ABCA4: variants seen among roughly 807,000 people sequenced by gnomAD.
ABCA4 encodes the protein retinal-specific phospholipid-transporting ATPase ABCA4.
In ABCA4, 196 loss-of-function variants were observed where a neutral mutation model predicts 263.7. That is an observed-to-expected ratio of 0.74 (90% CI 0.66 to 0.84). The LOEUF (loss-of-function observed/expected upper bound fraction) is 0.84. Ranked by LOEUF, ABCA4 falls within the 40% of genes least tolerant of loss-of-function variation. The probability of loss-of-function intolerance (pLI) is 0.00; values close to 1 mark genes in which losing one functional copy is unlikely to be tolerated. For synonymous variants in ABCA4, 1,133 were observed against 1,094.2 expected, an observed-to-expected ratio of 1.04 and a Z score of -0.70; for missense variants, 2,792 against 2,855.1, an observed-to-expected ratio of 0.98 and a Z score of 0.50.
At chr1:94,070,459 C>T (rs189004296) in intron 11 of ABCA4, among the ~76,000 whole-genome samples, 1 of 152,180 alleles carries the variant, frequency 6.6e-6, no homozygotes, top group South Asian at 2.1e-4. Context: ...CTTCCTCCTG[C>T]CTGAAATTGT....
chr1:94,037,438 T>C, intron 24 of ABCA4, 88 bp from the exon 25 acceptor site: 1 of 1,201,490 alleles, frequency 8.3e-7, no homozygotes, highest in South Asian at 1.2e-5. Context: ...TTCTCTCCAC[T>C]TCCCCTTTGA....
chr1:94,083,264 T>C, intron 7 of ABCA4, 88 bp downstream of exon 7: 1 of 1,199,894 alleles, frequency 8.3e-7, no homozygotes, highest in East Asian at 2.3e-5. Flanking sequence ...TTGAACAGGT[T>C]TGAAATACAA....
In ABCA4 at chr1:94,029,606, G is replaced by A. The variant is rs373181448; in HGVS notation, c.4378C>T (p.Pro1460Ser). 3.7e-6 allele frequency: 6 copies of A among 1,613,914 alleles called. No individual in the cohort carries two copies. Among genetic ancestry groups the A allele is most frequent in the South Asian group, 2.2e-5 (2 of 90,976 alleles). ...GGGGACACAGAAGGAGTCTTCCAGG[G>A]TGTTGAGTTGCCACAGGGGTACTCC... ...LPEYPCGNST[P>S]WKTPSVSPNI... is the part of the protein sequence containing the mutation. The change falls in exon 30 of 50, where the codon CCC becomes TCC. Residue 1460 changes from proline to serine, a missense_variant. Transcript: ENST00000370225.
At chr1:94,044,097 C>CTCCCCTCCCTCT in intron 20 of ABCA4, among the ~76,000 whole-genome samples, 1 of 9,784 alleles carries the variant, frequency 1.0e-4, no homozygotes, top group African/African-American at 1.1e-4. Flanking sequence ...TCCCTTCTTT[C>CTCCCCTCCCTCT]CTTCCTTCCT....
At chr1:94,075,150 G>A (rs537626397) in intron 11 of ABCA4, among the ~76,000 whole-genome samples, 9 of 152,200 alleles carry the variant, frequency 5.9e-5, no homozygotes, top group South Asian at 2.1e-4. Flanking sequence ...ATCACACACC[G>A]GAGCCTGTTG....
intron 11 of ABCA4, among the ~76,000 whole-genome samples, chr1:94,076,501 C>T (rs1194262677): frequency 1.3e-5 from 2 of 152,074 alleles, no homozygotes; most frequent in East Asian, 3.9e-4. Flanking sequence ...TGACCAAAAG[C>T]GCTCTAATAA....
At chr1:94,077,168 G>A (rs1661556724) in intron 11 of ABCA4, among the ~76,000 whole-genome samples, 1 of 152,310 alleles carries the variant, frequency 6.6e-6, no homozygotes, top group Admixed American at 6.5e-5. Flanking sequence ...AGGAAAATTA[G>A]GGATGACCCT....
chr1:94,090,387 T>C (rs190919222), intron 6 of ABCA4, among the ~76,000 whole-genome samples: 1 of 151,940 alleles, frequency 6.6e-6, no homozygotes, highest in Non-Finnish European at 1.5e-5. Flanking sequence ...AAATCTCAAA[T>C]AGTTTTGTAG....
intron 20 of ABCA4, 64 bp downstream of exon 20, chr1:94,044,549 G>A: frequency 6.2e-7 from 1 of 1,613,514 alleles, no homozygotes; most frequent in Non-Finnish European, 8.5e-7. Context: ...GGGCTCTAGA[G>A]AAGTGTGCTG....
At chr1:94,077,227 G>A (rs1401758348) in intron 11 of ABCA4, among the ~76,000 whole-genome samples, 1 of 152,220 alleles carries the variant, frequency 6.6e-6, no homozygotes, top group Admixed American at 6.5e-5. Context: ...CGTTAATTAG[G>A]ATAGGAAATA....
intron 26 of ABCA4, among the ~76,000 whole-genome samples, chr1:94,034,916 A>C (rs1294145530): frequency 6.6e-6 from 1 of 152,178 alleles, no homozygotes; most frequent in Non-Finnish European, 1.5e-5. Context: ...AACTCACTTA[A>C]TTCTCTCAAC....
intron 4 of ABCA4, among the ~76,000 whole-genome samples, chr1:94,104,404 G>A (rs576801738): frequency 5.9e-5 from 9 of 152,242 alleles, no homozygotes; most frequent in South Asian, 2.1e-4. Context: ...CCAATTCCAC[G>A]GCATCCCATC....
At chr1:94,032,497 A>G (rs1421494988) in intron 26 of ABCA4, among the ~76,000 whole-genome samples, 2 of 152,168 alleles carry the variant, frequency 1.3e-5, no homozygotes, top group African/African-American at 2.4e-5. Context: ...TTAGCCAGGC[A>G]TGGTGGCAGG....
At chr1:94,044,932 G>A (rs1660632802) in intron 19 of ABCA4, among the ~76,000 whole-genome samples, 188 bp from the exon 20 acceptor site, 1 of 152,210 alleles carries the variant, frequency 6.6e-6, no homozygotes, top group Admixed American at 6.5e-5. Flanking sequence ...CTAATGCAGA[G>A]GGCCACCTCT....
rs534777895 is a variant in ABCA4 at position 93,993,141 on chromosome 1, T to C, written c.*96A>G. 6.5e-7 allele frequency: 1 copy of C among 1,532,120 alleles called. No homozygotes were observed. The highest frequency in any genetic ancestry group is 1.1e-5 in the South Asian group (1 of 88,912). 94.9% of individuals were successfully genotyped at this position (1,532,120 alleles called of 1,614,324 possible). A position where few individuals can be genotyped will look rare whatever the true frequency, so the allele number is the denominator to read the frequency against. ...TCTGCTGCAGTGGGGTCATTTACGC[T>C]GGCCAGTCCATTTGGATGACCATAT... On this transcript the variant is annotated 3_prime_UTR_variant, in exon 50 of 50. Transcript: ENST00000370225.
At chr1:94,118,389 A>G (rs774768812) in intron 1 of ABCA4, among the ~76,000 whole-genome samples, 1 of 152,206 alleles carries the variant, frequency 6.6e-6, no homozygotes, top group Admixed American at 6.5e-5. Flanking sequence ...TGCTCTGCTT[A>G]CAGGAGACAT....
At chr1:94,005,389 C>T in intron 44 of ABCA4, 52 bp downstream of exon 44, 1 of 1,611,452 alleles carries the variant, frequency 6.2e-7, no homozygotes, top group Non-Finnish European at 8.5e-7. Flanking sequence ...TCTCATGAAA[C>T]AGGCTTGTAA....
chr1:94,100,106 G>T (rs1410822928), intron 5 of ABCA4, among the ~76,000 whole-genome samples: 1 of 152,152 alleles, frequency 6.6e-6, no homozygotes, highest in Non-Finnish European at 1.5e-5. Context: ...GGCAGAACAG[G>T]CCTGAGCTCT....
intron 38 of ABCA4, among the ~76,000 whole-genome samples, chr1:94,011,646 C>G (rs1659550448): frequency 6.6e-6 from 1 of 152,232 alleles, no homozygotes; most frequent in Non-Finnish European, 1.5e-5. Context: ...AGGACTGGGG[C>G]TCCCTGCAAG....
Sources: gnomAD v4.1 joint callset for allele counts (sites outside exome capture counted in the v4.1 genomes callset) on GRCh38, gnomAD v4.1.1 for gene constraint, MANE v1.5 for transcripts, NCBI Gene and HGNC (gene_info 2026-07-23, HGNC 2026-07-21) for gene names.